The following TLX3 variants were observed in gnomAD, a reference collection of about 807,000 sequenced individuals.
TLX3 encodes T cell leukemia homeobox 3.
Under a neutral mutation model 19.6 loss-of-function variants are expected in TLX3, and 11 were observed. The ratio of observed to expected loss-of-function variants is 0.56; its 90% CI spans 0.35 to 0.93. The LOEUF (loss-of-function observed/expected upper bound fraction) is 0.93, where lower values mean the gene tolerates loss of function less well. Ranked by LOEUF, TLX3 falls within the 40% of genes least tolerant of loss-of-function variation. The pLI, the probability that TLX3 is intolerant of heterozygous loss-of-function variation, is 0.01. For missense variants in TLX3, 375 were observed against 418.6 expected, an observed-to-expected ratio of 0.90 and a Z score of 0.91; for synonymous variants, 221 against 188.1, an observed-to-expected ratio of 1.17 and a Z score of -1.43.
chr5:171,311,339 C>A lies in TLX3; in HGVS notation c.666-50C>A. The stretch of plus-strand genomic sequence containing the variant: ...AGGGCCGGGGCCCCGCCGGCGGCCC[C>A]GCGGTGCCGGGTGCATGACGGTACT... On this transcript the variant is annotated intron_variant, in intron 2 of 2. Transcript: ENST00000296921. The surrounding 1 kb of genome is among the most constrained non-coding windows in gnomAD (Gnocchi z 5.1). 6.7e-7 allele frequency: 1 copy of A among 1,500,986 alleles called. No individual in the cohort carries two copies. Among genetic ancestry groups the A allele is most frequent in the Non-Finnish European group, 8.9e-7 (1 of 1,120,620 alleles). 93.0% of individuals were successfully genotyped at this position (1,500,986 alleles called of 1,614,324 possible).
At position 171,309,503 on chromosome 5, in the gene TLX3, G is replaced by GC; in HGVS notation, c.144dup (p.Gly49ArgfsTer119). The GC allele has an allele frequency of 1.3e-6, 2 of 1,573,138 alleles. No homozygotes were observed. The highest frequency in any genetic ancestry group is 1.7e-6 in the Non-Finnish European group (2 of 1,162,206). On this transcript the variant is annotated frameshift_variant, in exon 1 of 3. Coordinates refer to ENST00000296921, the MANE Select transcript of TLX3 (RefSeq NM_021025.4). LOFTEE classifies it high-confidence loss of function. ...CCGACGGCGCCAGCTACCTGGGAGGGCCCCCCGGGGGCCGTCCGGGCGCCA... is the reference window on the plus strand; with the variant it reads ...CCGACGGCGCCAGCTACCTGGGAGGGCCCCCCCGGGGGCCGTCCGGGCGCCA...
At chr5:171,309,998 G>T in intron 1 of TLX3, 152 bp from the exon 2 acceptor site, 1 of 1,328,824 alleles carries the variant, frequency 7.5e-7, no homozygotes. Flanking sequence ...GGGGCGAGGG[G>T]GTCTCCCGAC....
chr5:171,310,591 C>T lies in TLX3; in HGVS notation c.665+198C>T, dbSNP rs915188978. The stretch of plus-strand genomic sequence containing the variant: ...TCTCGCTGGCCTGTGCTTCTCTCTC[C>T]ATCGTGGTCTCCCACGCCTTGGTTT... On this transcript the variant is annotated intron_variant, in intron 2 of 2. Transcript: ENST00000296921. Among the ~76,000 whole-genome samples, 3 of 150,678 alleles carry T rather than the reference C, an allele frequency of 2.0e-5. No individual in the cohort carries two copies. The South Asian group carries it at 6.4e-4, about 32-fold the overall frequency.
rs201600677 is a variant in TLX3 at position 171,311,582 on chromosome 5, G to C, written c.859G>C (p.Val287Leu). The change falls in exon 3 of 3, where the codon GTC becomes CTC. Residue 287 changes from valine (V) to leucine (L), a missense_variant. This residue lies in a region of TLX3 where 62 missense variants were observed against 63.1 expected (regional missense o/e 0.98). Transcript: ENST00000296921. This position sits in a 1 kb window ranked among gnomAD's most constrained non-coding sequence, Gnocchi z 5.1. ...WEEDSSKVPAVTSLV is the reference protein window; with the variant it reads ...WEEDSSKVPALTSLV ...GGAGGATAGTTCCAAGGTTCCCGCTGTCACCTCCCTGGTGTGAGCCCACCA... is the reference window on the plus strand; with the variant it reads ...GGAGGATAGTTCCAAGGTTCCCGCTCTCACCTCCCTGGTGTGAGCCCACCA... 3.3e-4 allele frequency: 529 copies of C among 1,610,918 alleles called. 4 individuals carry two copies. In the East Asian group the frequency reaches 0.012, roughly 35 times the overall value.
rs778335281 is a variant in TLX3 at position 171,311,572 on chromosome 5, G to A, written c.849G>A (p.Lys283=). 3.1e-6 allele frequency: 5 copies of A among 1,611,840 alleles called. No individual in the cohort carries two copies. In the South Asian group the frequency reaches 5.5e-5, roughly 18 times the overall value. The change falls in exon 3 of 3, where the codon AAG becomes AAA. Residue 283 remains lysine (K), a synonymous_variant. Coordinates refer to ENST00000296921, the MANE Select transcript of TLX3 (RefSeq NM_021025.4). This position sits in a 1 kb window ranked among gnomAD's most constrained non-coding sequence, Gnocchi z 5.1. ...NLQPWEEDSS[K]VPAVTSLV Reference sequence around the variant, plus strand: ...AGCCCTGGGAGGAGGATAGTTCCAAGGTTCCCGCTGTCACCTCCCTGGTGT... The same window carrying A: ...AGCCCTGGGAGGAGGATAGTTCCAAAGTTCCCGCTGTCACCTCCCTGGTGT...
At position 171,309,524 on chromosome 5, in the gene TLX3, C is replaced by T; in HGVS notation, c.159C>T (p.Gly53=). The change falls in exon 1 of 3, where the codon GGC becomes GGT. Residue 53 remains glycine (G), a synonymous_variant. Transcript: ENST00000296921. ...YLGGPPGGRP[G]ATYPSLPASF... is the part of the protein sequence containing the mutation. ...GAGGGCCCCCCGGGGGCCGTCCGGG[C>T]GCCACATACCCGTCTCTGCCCGCCT... 2.6e-6 allele frequency: 4 copies of T among 1,563,166 alleles called. No homozygotes were observed. Among genetic ancestry groups the T allele is most frequent in the Non-Finnish European group, 3.5e-6 (4 of 1,157,634 alleles).
chr5:171,310,846 C>T (rs923792256), intron 2 of TLX3, among the ~76,000 whole-genome samples: 2 of 151,970 alleles, frequency 1.3e-5, no homozygotes, highest in Non-Finnish European at 2.9e-5. Context: ...CGCCGGTTTC[C>T]TCTCCCCCCA....
At position 171,309,395 on chromosome 5, in the gene TLX3, G is replaced by T; in HGVS notation, c.30G>T (p.Pro10=). Residue 10 remains proline, a synonymous_variant, in exon 1 of 3, where the codon CCG becomes CCT. Coordinates refer to ENST00000296921, the MANE Select transcript of TLX3 (RefSeq NM_021025.4). The part of the protein sequence containing the change: MEAPASAQT[P]HPHEPISFGI... ...AGGCGCCCGCCAGCGCGCAGACCCC[G>T]CACCCGCACGAGCCCATCAGCTTCG... 7.5e-7 allele frequency: 1 copy of T among 1,340,990 alleles called. No homozygotes were observed. The highest frequency in any genetic ancestry group is 1.1e-5 in the South Asian group (1 of 87,224). 83.1% of individuals were successfully genotyped at this position (1,340,990 alleles called of 1,614,324 possible).
intron 2 of TLX3, among the ~76,000 whole-genome samples, chr5:171,310,999 G>T (rs559329575): frequency 1.3e-5 from 2 of 152,112 alleles, no homozygotes; most frequent in African/African-American, 4.8e-5. Flanking sequence ...CCCGGGCGTC[G>T]TGCGGGTGGT....
chr5:171,309,313 G>A lies in TLX3; in HGVS notation c.-53G>A. 7.0e-7 allele frequency: 1 copy of A among 1,430,764 alleles called. No homozygotes were observed. 88.6% of individuals were successfully genotyped at this position (1,430,764 alleles called of 1,614,324 possible). A position where few individuals can be genotyped will look rare whatever the true frequency, so the allele number is the denominator to read the frequency against. ...GGCGCTCCATGGCCGCGCCGTAACG[G>A]GGACCCAGCCGCCTCCCCGCCCAGC... On this transcript the variant is annotated 5_prime_UTR_variant, in exon 1 of 3. Coordinates refer to ENST00000296921, the MANE Select transcript of TLX3 (RefSeq NM_021025.4).
intron 1 of TLX3, 24 bp from the exon 2 acceptor site, chr5:171,310,126 A>T: frequency 6.5e-7 from 1 of 1,545,536 alleles, no homozygotes; most frequent in Non-Finnish European, 8.7e-7. Context: ...GCTGGGCTTC[A>T]GGGGCCCTCC....
At position 171,309,578 on chromosome 5, in the gene TLX3, G is replaced by A. The variant is rs756991076; in HGVS notation, c.213G>A (p.Glu71=). The part of the protein sequence containing the change: ...ASFAGLGAPF[E]DAGSYSVNLS... ...TTGCGGGCCTCGGCGCGCCCTTCGA[G>A]GACGCGGGATCTTACAGTGTGAACC... Residue 71 remains glutamate, a synonymous_variant, in exon 1 of 3, where the codon GAG becomes GAA. Coordinates refer to ENST00000296921, the MANE Select transcript of TLX3 (RefSeq NM_021025.4). 1.9e-6 allele frequency: 3 copies of A among 1,597,334 alleles called. No homozygotes were observed. The highest frequency in any genetic ancestry group is 2.6e-6 in the Non-Finnish European group (3 of 1,173,078).
In TLX3 at chr5:171,309,288, G is replaced by A. The variant is rs894161891; in HGVS notation, c.-78G>A. The A allele has an allele frequency of 1.3e-5, 16 of 1,243,576 alleles. No homozygotes were observed. The highest frequency in any genetic ancestry group is 1.6e-5 in the African/African-American group (1 of 62,146). The allele number at this position is 1,243,576 out of a possible 1,614,324, so 77.0% of individuals were successfully genotyped here. On this transcript the variant is annotated 5_prime_UTR_variant, in exon 1 of 3. Transcript: ENST00000296921. ...AGTTTCAGTGCGACGAGAGGCGCCGGGCGCTCCATGGCCGCGCCGTAACGG... is the reference window on the plus strand; with the variant it reads ...AGTTTCAGTGCGACGAGAGGCGCCGAGCGCTCCATGGCCGCGCCGTAACGG...
chr5:171,309,327 T>TTC lies in TLX3; in HGVS notation c.-39_-38insTC. 1.0e-6 allele frequency: 1 copy of TTC among 976,970 alleles called. No homozygotes were observed. The allele number at this position is 976,970 out of a possible 1,614,324, so 60.5% of individuals were successfully genotyped here. ...GCGCCGTAACGGGGACCCAGCCGCC[T>TTC]CCCCGCCCAGCCCAGCCCAGCCCTT... On this transcript the variant is annotated 5_prime_UTR_variant, in exon 1 of 3. Transcript: ENST00000296921.
In TLX3 at chr5:171,311,744, T is replaced by C; in HGVS notation, c.*145T>C. 3 of 556,522 alleles carry C rather than the reference T, an allele frequency of 5.4e-6. No individual in the cohort carries two copies. Among genetic ancestry groups the C allele is most frequent in the South Asian group, 2.8e-5 (1 of 36,102 alleles). 34.5% of individuals were successfully genotyped at this position (556,522 alleles called of 1,614,324 possible). A position where few individuals can be genotyped will look rare whatever the true frequency, so the allele number is the denominator to read the frequency against. ...TAGGCCCCAGGGCGCGGCCACAGAC[T>C]GGCGGGCCGCGGAAGGGGGTAGGGC... is the stretch of plus-strand genomic sequence containing the variant. On this transcript the variant is annotated 3_prime_UTR_variant, in exon 3 of 3. Transcript: ENST00000296921. The surrounding 1 kb of genome is among the most constrained non-coding windows in gnomAD (Gnocchi z 5.1).
Position 171,309,744 on chromosome 5 carries a change from T to C in TLX3, c.379T>C (p.Trp127Arg). ...VSSLGGLNFP[W>R]MESSRRFVKD... ...CAGCCTTGGCGGTCTCAATTTCCCC[T>C]GGATGGAGAGCAGCCGCCGCTTCGT... The change falls in exon 1 of 3, where the codon TGG (tryptophan) becomes CGG (arginine). Residue 127 changes from tryptophan to arginine, a missense_variant. Trp to Arg is a moderately radical substitution (Grantham distance 101). Coordinates refer to ENST00000296921, the MANE Select transcript of TLX3 (RefSeq NM_021025.4). 3.7e-6 allele frequency: 6 copies of C among 1,608,852 alleles called. No homozygotes were observed. The highest frequency in any genetic ancestry group is 5.1e-6 in the Non-Finnish European group (6 of 1,178,014).
At position 171,309,350 on chromosome 5, in the gene TLX3, C is replaced by CCCCCCCA; in HGVS notation, c.-16_-15insCCCCCCA. The stretch of plus-strand genomic sequence containing the variant: ...CCTCCCCGCCCAGCCCAGCCCAGCC[C>CCCCCCCA]TTCCGCCCGCCCAGGATGGAGGCGC... On this transcript the variant is annotated 5_prime_UTR_variant, in exon 1 of 3. Coordinates refer to ENST00000296921, the MANE Select transcript of TLX3 (RefSeq NM_021025.4). 10 of 1,550,726 alleles carry CCCCCCCA rather than the reference C, an allele frequency of 6.4e-6. No homozygotes were observed. Among genetic ancestry groups the CCCCCCCA allele is most frequent in the Non-Finnish European group, 7.8e-6 (9 of 1,146,638 alleles).
Position 171,311,330 on chromosome 5 carries a change from CGGCGGCCCCGCG to C in TLX3, c.666-57_666-46del, listed in dbSNP as rs1214547887. 2.7e-6 allele frequency: 4 copies of C among 1,470,276 alleles called. No homozygotes were observed. The highest frequency in any genetic ancestry group is 3.6e-6 in the Non-Finnish European group (4 of 1,099,726). 91.1% of individuals were successfully genotyped at this position (1,470,276 alleles called of 1,614,324 possible). Reference sequence around the variant, plus strand: ...GCTCCCGGGAGGGCCGGGGCCCCGCCGGCGGCCCCGCGGTGCCGGGTGCATGACGGTACTGTC... The same window carrying C: ...GCTCCCGGGAGGGCCGGGGCCCCGCCGTGCCGGGTGCATGACGGTACTGTC... On this transcript the variant is annotated intron_variant, in intron 2 of 2. Transcript: ENST00000296921. This position sits in a 1 kb window ranked among gnomAD's most constrained non-coding sequence, Gnocchi z 5.1.
chr5:171,310,286 T>A lies in TLX3; in HGVS notation c.558T>A (p.His186Gln). ...TCTGCGAGCTGGAAAAGCGCTTCCA[T>A]CGCCAGAAGTACCTGGCCTCTGCCG... ...VQICELEKRFHRQKYLASAER... is the reference protein window; with the variant it reads ...VQICELEKRFQRQKYLASAER... Residue 186 changes from histidine to glutamine, a missense_variant, in exon 2 of 3, where the codon CAT (histidine) becomes CAA (glutamine). By Grantham distance (24) the His-to-Gln change is conservative. Coordinates refer to ENST00000296921, the MANE Select transcript of TLX3 (RefSeq NM_021025.4). The A allele has an allele frequency of 6.3e-7, 1 of 1,595,818 alleles. No individual in the cohort carries two copies. Among genetic ancestry groups the A allele is most frequent in the Non-Finnish European group, 8.5e-7 (1 of 1,171,644 alleles).
Sources: allele counts gnomAD v4.1 joint callset (sites outside exome capture counted in the v4.1 genomes callset), GRCh38; gene constraint gnomAD v4.1.1; regional missense constraint gnomAD v4.1.1; non-coding constraint Gnocchi (gnomAD v3.1); transcripts MANE v1.5; gene names NCBI Gene and HGNC (gene_info 2026-07-23, HGNC 2026-07-21).